RIMS1: variants seen among roughly 807,000 people sequenced by gnomAD.
The protein encoded by RIMS1 is regulating synaptic membrane exocytosis 1.
A neutral mutation model predicts 214.1 loss-of-function variants in RIMS1; 83 were observed. The observed-to-expected ratio is 0.39, with a 90% CI of 0.32 to 0.47. The LOEUF is 0.47. Ranked by LOEUF, RIMS1 falls within the 20% of genes least tolerant of loss-of-function variation. The pLI, the probability that RIMS1 is intolerant of heterozygous loss-of-function variation, is 0.99. For synonymous variants in RIMS1, 793 were observed against 786.8 expected (o/e 1.01, Z -0.13); for missense variants, 2,050 against 2,161.8 (o/e 0.95, Z 1.03).
intron 2 of RIMS1, among the ~76,000 whole-genome samples, chr6:72,087,554 C>G (rs143739869): frequency 6.6e-6 from 1 of 152,150 alleles, no homozygotes; most frequent in South Asian, 2.1e-4. Flanking sequence ...TATCAAAACA[C>G]TCTCATAATA....
chr6:72,200,858 TGTGTGTG>T (rs1049805436), intron 6 of RIMS1, among the ~76,000 whole-genome samples: 6 of 1,010 alleles, frequency 5.9e-3, no homozygotes, highest in East Asian at 0.1. Flanking sequence ...AGGACACAAT[TGTGTGTG>T]TGTGTGTGTG....
chr6:72,278,603 C>T (rs928512442), intron 23 of RIMS1, among the ~76,000 whole-genome samples: 4 of 152,086 alleles, frequency 2.6e-5, no homozygotes, highest in African/African-American at 4.8e-5. Flanking sequence ...CAGTACATTA[C>T]TTATTATTTC....
intron 25 of RIMS1, 83 bp from the exon 26 acceptor site, chr6:72,291,851 A>G: frequency 1.0e-6 from 1 of 999,360 alleles, no homozygotes; most frequent in Non-Finnish European, 1.6e-6. Context: ...GTCTATTTTA[A>G]TCGTAACAGA....
intron 29 of RIMS1, among the ~76,000 whole-genome samples, chr6:72,384,672 C>T (rs1412671526): frequency 6.6e-6 from 1 of 152,080 alleles, no homozygotes; most frequent in African/African-American, 2.4e-5. Context: ...TATTTCCTCC[C>T]CAAGTTCTTA....
In RIMS1 at chr6:72,037,511, GT is replaced by G. The variant is rs898730687; in HGVS notation, c.246-59429del. Among the ~76,000 whole-genome samples, 10 of 150,942 alleles carry G rather than the reference GT, an allele frequency of 6.6e-5. No homozygotes were observed. The East Asian group carries it at 7.8e-4, about 12-fold the overall frequency. On this transcript the variant is annotated intron_variant, in intron 2 of 33. Transcript: ENST00000521978. ...ATACAGATGATCCCTTGAGGTTTTA[GT>G]TTTTTTTTAACAGCTTTATTGAGGT...
At chr6:72,104,617 T>TC (rs1266912142) in intron 4 of RIMS1, among the ~76,000 whole-genome samples, 1 of 152,144 alleles carries the variant, frequency 6.6e-6, no homozygotes, top group Admixed American at 6.6e-5. Flanking sequence ...CACTTGGCCG[T>TC]ACCTACCAAG....
intron 2 of RIMS1, among the ~76,000 whole-genome samples, chr6:72,054,827 C>A (rs1825729850): frequency 6.6e-6 from 1 of 152,078 alleles, no homozygotes; most frequent in Non-Finnish European, 1.5e-5. Flanking sequence ...GGATATTAGA[C>A]CTTTTTCAGA....
At chr6:72,378,158 G>A (rs1251366699) in intron 29 of RIMS1, among the ~76,000 whole-genome samples, 1 of 152,128 alleles carries the variant, frequency 6.6e-6, no homozygotes, top group Non-Finnish European at 1.5e-5. Flanking sequence ...GGCTTCTTTA[G>A]TGATAACTAA....
chr6:72,259,458 T>C (rs1299188464), intron 18 of RIMS1, among the ~76,000 whole-genome samples: 1 of 152,154 alleles, frequency 6.6e-6, no homozygotes, highest in Non-Finnish European at 1.5e-5. Context: ...ATATTTGAGG[T>C]ATGAAGTAAT....
At chr6:72,399,356 GC>G (rs1360715985) in intron 33 of RIMS1, among the ~76,000 whole-genome samples, 4 of 151,672 alleles carry the variant, frequency 2.6e-5, no homozygotes, top group Admixed American at 2.0e-4. Flanking sequence ...TTCTAGCTTT[GC>G]CCTGTTCCCA....
At chr6:72,027,718 G>A (rs1238339491) in intron 2 of RIMS1, among the ~76,000 whole-genome samples, 1 of 151,910 alleles carries the variant, frequency 6.6e-6, no homozygotes, top group Non-Finnish European at 1.5e-5. Flanking sequence ...ACCTGAGACT[G>A]TATCCCATGC....
At chr6:71,961,106 A>G (rs1477686649) in intron 1 of RIMS1, among the ~76,000 whole-genome samples, 1 of 152,104 alleles carries the variant, frequency 6.6e-6, no homozygotes, top group Non-Finnish European at 1.5e-5. Context: ...TTCTGCCTCT[A>G]GGAACTGAGT....
intron 1 of RIMS1, among the ~76,000 whole-genome samples, chr6:71,953,264 C>T (rs1220791152): frequency 1.3e-5 from 2 of 152,162 alleles, no homozygotes; most frequent in African/African-American, 4.8e-5. Flanking sequence ...TCTGGAATTA[C>T]AGGTGTGAGC....
At chr6:72,210,634 G>A (rs2053642524) in intron 6 of RIMS1, among the ~76,000 whole-genome samples, 1 of 152,174 alleles carries the variant, frequency 6.6e-6, no homozygotes, top group Admixed American at 6.5e-5. Flanking sequence ...TATTAAGTGA[G>A]AGTCCCCAAA....
intron 27 of RIMS1, among the ~76,000 whole-genome samples, chr6:72,312,432 T>C (rs1013987262): frequency 6.6e-5 from 10 of 151,872 alleles, no homozygotes; most frequent in African/African-American, 2.4e-4. Context: ...TATATAAAAA[T>C]AATATGTAAT....
intron 8 of RIMS1, among the ~76,000 whole-genome samples, 193 bp from the exon 9 acceptor site, chr6:72,237,630 C>T (rs1333082532): frequency 6.6e-6 from 1 of 150,730 alleles, no homozygotes; most frequent in East Asian, 2.0e-4. Context: ...GAGCTGTGAT[C>T]ATGCCACTGC....
rs75491352 is a variant in RIMS1 at position 72,171,811 on chromosome 6, G to A, written c.472-7764G>A. 2.4e-3 allele frequency among the ~76,000 whole-genome samples: 363 copies of A among 152,238 alleles called. 1 individual carries two copies. The highest frequency in any genetic ancestry group is 0.02 in the Middle Eastern group (6 of 294). Reference sequence around the variant, plus strand: ...GACGGTTATCTATGAAAAGAAATGAGTGTAGTTCCCTAACTCTTGTTATAC... The same window carrying A: ...GACGGTTATCTATGAAAAGAAATGAATGTAGTTCCCTAACTCTTGTTATAC... On this transcript the variant is annotated intron_variant, in intron 4 of 33. Coordinates refer to ENST00000521978, the MANE Select transcript of RIMS1 (RefSeq NM_014989.7).
At chr6:71,907,681 TCTAA>T (rs1208440408) in intron 1 of RIMS1, among the ~76,000 whole-genome samples, 3 of 152,186 alleles carry the variant, frequency 2.0e-5, no homozygotes, top group African/African-American at 7.2e-5. Flanking sequence ...AATAAAAATT[TCTAA>T]CTATCAATAC....
intron 4 of RIMS1, among the ~76,000 whole-genome samples, chr6:72,154,562 A>G (rs1484190521): frequency 1.4e-5 from 2 of 140,886 alleles, no homozygotes; most frequent in East Asian, 4.0e-4. Flanking sequence ...ATGAGAGACT[A>G]GACTCTTTCT....
Sources: gnomAD v4.1 joint callset for allele counts (sites outside exome capture counted in the v4.1 genomes callset) on GRCh38, gnomAD v4.1.1 for gene constraint, MANE v1.5 for transcripts, NCBI Gene and HGNC (gene_info 2026-07-23, HGNC 2026-07-21) for gene names.